UNC13B: variants seen among roughly 807,000 people sequenced by gnomAD.
UNC13B encodes unc-13 homolog B.
Under a neutral mutation model 211.0 loss-of-function variants are expected in UNC13B, and 144 were observed. The observed-to-expected ratio is 0.68, with a 90% CI of 0.60 to 0.78. The LOEUF (loss-of-function observed/expected upper bound fraction) is 0.78, where lower values mean the gene tolerates loss of function less well. Ranked by LOEUF, UNC13B falls within the 30% of genes least tolerant of loss-of-function variation. The pLI is 0.00. For synonymous variants in UNC13B, 709 were observed against 725.8 expected, an observed-to-expected ratio of 0.98 and a Z score of 0.37; for missense variants, 1,777 against 2,002.0, an observed-to-expected ratio of 0.89 and a Z score of 2.14.
At chr9:35,346,473 G>A (rs968497590) in intron 11 of UNC13B, among the ~76,000 whole-genome samples, 17 of 152,070 alleles carry the variant, frequency 1.1e-4, no homozygotes, top group African/African-American at 2.2e-4. Flanking sequence ...TCTCTTTTTC[G>A]TTGGTAGGCT....
chr9:35,167,895 G>C (rs1821130265), intron 1 of UNC13B, among the ~76,000 whole-genome samples: 1 of 151,114 alleles, frequency 6.6e-6, no homozygotes, highest in Non-Finnish European at 1.5e-5. Context: ...GAGCCACCAC[G>C]TCCAGCCTGT....
intron 11 of UNC13B, among the ~76,000 whole-genome samples, chr9:35,358,560 A>AT (rs1483938131): frequency 2.7e-5 from 4 of 150,658 alleles, no homozygotes; most frequent in Admixed American, 6.6e-5. Flanking sequence ...CAATTTATCC[A>AT]TTTTTTTCTT....
rs180964759 is a variant in UNC13B at position 35,213,599 on chromosome 9, A to C, written c.23-14416A>C. On this transcript the variant is annotated intron_variant, in intron 1 of 39. Coordinates refer to ENST00000635942, the MANE Select transcript of UNC13B (RefSeq NM_001371189.2). ...GTGACAAGAGACAAGGTGATGAGTC[A>C]GGTAGCTGGAAATAAGATCCTTGCT... Among the ~76,000 whole-genome samples, 3 of 152,354 alleles carry C rather than the reference A, an allele frequency of 2.0e-5. No individual in the cohort carries two copies. The East Asian group carries it at 5.8e-4, about 29-fold the overall frequency.
In UNC13B at chr9:35,308,169, C is replaced by A; in HGVS notation, c.8765C>A (p.Ser2922Tyr). ...PEVCAQGLSG[S>Y]GEGGNQQEIS... ...GTCTGTGCTCAGGGGCTTTCAGGGT[C>A]TGGAGAAGGGGGAAACCAGCAGGAA... Residue 2922 changes from serine to tyrosine, a missense_variant, in exon 9 of 40, where the codon TCT becomes TAT. Transcript: ENST00000635942. The A allele has an allele frequency of 2.5e-6, 1 of 399,610 alleles. No individual in the cohort carries two copies. The highest frequency in any genetic ancestry group is 4.4e-6 in the Non-Finnish European group (1 of 226,578). The allele number at this position is 399,610 out of a possible 1,614,324, so 24.8% of individuals were successfully genotyped here. A position where few individuals can be genotyped will look rare whatever the true frequency, so the allele number is the denominator to read the frequency against.
intron 27 of UNC13B, 101 bp from the exon 28 acceptor site, chr9:35,396,740 T>C: frequency 1.9e-6 from 3 of 1,598,866 alleles, no homozygotes; most frequent in Non-Finnish European, 2.6e-6. Flanking sequence ...AGTGTTAAAC[T>C]GTGCCCTGCC....
intron 1 of UNC13B, among the ~76,000 whole-genome samples, chr9:35,180,309 A>T (rs757325966): frequency 1.1e-4 from 17 of 152,018 alleles, no homozygotes; most frequent in Non-Finnish European, 1.9e-4. Flanking sequence ...TTTCATCTGT[A>T]TTCTTTTTAA....
chr9:35,356,834 A>C (rs2132096291), intron 11 of UNC13B, among the ~76,000 whole-genome samples: 1 of 152,226 alleles, frequency 6.6e-6, no homozygotes, highest in Non-Finnish European at 1.5e-5. Flanking sequence ...TTTGCCTATT[A>C]TGTACATTTC....
intron 11 of UNC13B, among the ~76,000 whole-genome samples, chr9:35,365,516 C>A (rs746598451): frequency 6.6e-6 from 1 of 152,184 alleles, no homozygotes; most frequent in African/African-American, 2.4e-5. Flanking sequence ...CTGCTGAGTA[C>A]GGTGGCTATT....
At chr9:35,263,919 A>G (rs948778305) in intron 7 of UNC13B, among the ~76,000 whole-genome samples, 2 of 152,180 alleles carry the variant, frequency 1.3e-5, no homozygotes, top group African/African-American at 4.8e-5. Flanking sequence ...TGGACTTTCT[A>G]GCCTCCAGAA....
intron 11 of UNC13B, among the ~76,000 whole-genome samples, chr9:35,342,900 A>T (rs1050589793): frequency 2.6e-5 from 4 of 152,194 alleles, no homozygotes; most frequent in Non-Finnish European, 2.9e-5. Context: ...TATGTGAGAG[A>T]GAGAGAAAGA....
intron 7 of UNC13B, among the ~76,000 whole-genome samples, chr9:35,279,299 G>A (rs1399155387): frequency 6.6e-6 from 1 of 152,122 alleles, no homozygotes; most frequent in Admixed American, 6.5e-5. Context: ...TATAGTATTA[G>A]GCCTTTTGTG....
chr9:35,291,057 T>C (rs1197137119), intron 7 of UNC13B: 2 of 1,550,116 alleles, frequency 1.3e-6, no homozygotes, highest in Non-Finnish European at 1.7e-6. Flanking sequence ...TGCTTCTTTG[T>C]GGTTTTCTTA....
At chr9:35,243,092 A>G (rs964056600) in intron 5 of UNC13B, among the ~76,000 whole-genome samples, 199 bp from the exon 6 acceptor site, 10 of 152,264 alleles carry the variant, frequency 6.6e-5, no homozygotes, top group East Asian at 3.9e-4. Context: ...CAAAATAACA[A>G]TGGGAATAAC....
chr9:35,377,445 G>C, intron 15 of UNC13B, 23 bp from the exon 16 acceptor site: 4 of 1,613,490 alleles, frequency 2.5e-6, no homozygotes, highest in Non-Finnish European at 3.4e-6. Context: ...TAGGTGACCT[G>C]TTGTGTTCCT....
At position 35,307,389 on chromosome 9, in the gene UNC13B, T is replaced by C; in HGVS notation, c.7985T>C (p.Ile2662Thr). Residue 2662 changes from isoleucine (I) to threonine (T), a missense_variant, in exon 9 of 40, where the codon ATT becomes ACT. Transcript: ENST00000635942. ...CAGTTGCATCCAGATCCTACCTGCA[T>C]TGCCGAAGAGCTTCCTCCTCCCATT... Reference protein sequence around the residue: ...PAQLHPDPTCIAEELPPPIQP... With the variant: ...PAQLHPDPTCTAEELPPPIQP... 2.5e-6 allele frequency: 1 copy of C among 399,052 alleles called. No individual in the cohort carries two copies. The highest frequency in any genetic ancestry group is 4.4e-6 in the Non-Finnish European group (1 of 226,136). The allele number at this position is 399,052 out of a possible 1,614,324, so 24.7% of individuals were successfully genotyped here. A position where few individuals can be genotyped will look rare whatever the true frequency, so the allele number is the denominator to read the frequency against.
chr9:35,217,175 G>T (rs1197174179), intron 1 of UNC13B, among the ~76,000 whole-genome samples: 1 of 152,074 alleles, frequency 6.6e-6, no homozygotes, highest in Non-Finnish European at 1.5e-5. Flanking sequence ...TTTTGATATT[G>T]TACTATAGTT....
intron 1 of UNC13B, among the ~76,000 whole-genome samples, chr9:35,182,550 G>A (rs1490467002): frequency 6.6e-6 from 1 of 151,996 alleles, no homozygotes; most frequent in Non-Finnish European, 1.5e-5. Flanking sequence ...TAGGGTAATA[G>A]TGGAGAGAAG....
chr9:35,244,749 A>G (rs977842554), intron 6 of UNC13B, among the ~76,000 whole-genome samples: 2 of 152,166 alleles, frequency 1.3e-5, no homozygotes, highest in Non-Finnish European at 2.9e-5. Context: ...TAATTTGATT[A>G]TATCTGCAGA....
chr9:35,193,191 T>C (rs907191440), intron 1 of UNC13B, among the ~76,000 whole-genome samples: 1 of 152,182 alleles, frequency 6.6e-6, no homozygotes, highest in African/African-American at 2.4e-5. Context: ...ATTGTTGCAC[T>C]TCCCTCCTTA....
Sources: allele counts gnomAD v4.1 joint callset (sites outside exome capture counted in the v4.1 genomes callset), GRCh38; gene constraint gnomAD v4.1.1; transcripts MANE v1.5; gene names NCBI Gene and HGNC (gene_info 2026-07-23, HGNC 2026-07-21).